TAOK1: variants seen among roughly 807,000 people sequenced by gnomAD.
TAOK1 encodes TAO kinase 1.
In TAOK1, 21 loss-of-function variants were observed where a neutral mutation model predicts 138.3. The observed-to-expected ratio is 0.15, with a 90% confidence interval of 0.11 to 0.22. The LOEUF (loss-of-function observed/expected upper bound fraction) is 0.22, where lower values mean the gene tolerates loss of function less well. Ranked by LOEUF, TAOK1 falls within the 10% of genes least tolerant of loss-of-function variation. TAOK1 has a pLI of 1.00. For missense variants in TAOK1, 651 were observed against 1,227.7 expected, an observed-to-expected ratio of 0.53 and a Z score of 7.02; for synonymous variants, 361 against 398.4, an observed-to-expected ratio of 0.91 and a Z score of 1.12.
At chr17:29,495,495 C>T (rs1684473314) in intron 10 of TAOK1, 65 bp from the exon 11 acceptor site, 1 of 1,354,890 alleles carries the variant, frequency 7.4e-7, no homozygotes, top group South Asian at 1.7e-5. Context: ...TCTCTAGGGT[C>T]TGAGAAGGAG....
chr17:29,465,837 C>CTTTTTTTTT lies in TAOK1; in HGVS notation c.133-1289_133-1281dup, dbSNP rs3058623. On this transcript the variant is annotated intron_variant, in intron 2 of 19. Coordinates refer to ENST00000261716, the MANE Select transcript of TAOK1 (RefSeq NM_020791.4). The stretch of plus-strand genomic sequence containing the variant: ...AAGAGTTAACTGTCAAGTTTCTGTG[C>CTTTTTTTTT]TTTTTTTTTTTTTTTTTTTTTTTTT... Among the ~76,000 whole-genome samples, 346 of 45,422 alleles carry CTTTTTTTTT rather than the reference C, an allele frequency of 7.6e-3. 100 individuals carry two copies. The highest frequency in any genetic ancestry group is 0.038 in the Middle Eastern group (3 of 78). The allele number at this position is 45,422 out of a possible 152,430, so 29.8% of individuals were successfully genotyped here.
At chr17:29,442,133 C>T (rs2029957624) in intron 1 of TAOK1, among the ~76,000 whole-genome samples, 1 of 151,794 alleles carries the variant, frequency 6.6e-6, no homozygotes, top group African/African-American at 2.4e-5. Context: ...GCCTCAACCT[C>T]CCTGGCTCAA....
intron 1 of TAOK1, among the ~76,000 whole-genome samples, chr17:29,391,439 C>G (rs1352421074): frequency 1.3e-5 from 2 of 152,072 alleles, no homozygotes; most frequent in Non-Finnish European, 2.9e-5. Context: ...ATTCCACCCC[C>G]TAGCACAGGA....
intron 16 of TAOK1, among the ~76,000 whole-genome samples, chr17:29,518,040 G>C (rs151299897): frequency 2.9e-3 from 447 of 152,150 alleles, no homozygotes; most frequent in African/African-American, 0.01. Flanking sequence ...ATTTTTAGTA[G>C]ACATGGGCTT....
chr17:29,434,163 T>C (rs1905949762), intron 1 of TAOK1, among the ~76,000 whole-genome samples: 1 of 152,206 alleles, frequency 6.6e-6, no homozygotes, highest in Non-Finnish European at 1.5e-5. Context: ...CTTTACCCTT[T>C]TGCTGGCATG....
chr17:29,540,957 G>A (rs890183322), intron 19 of TAOK1, among the ~76,000 whole-genome samples: 7 of 144,708 alleles, frequency 4.8e-5, no homozygotes, highest in Admixed American at 3.4e-4. Context: ...CACCCACCTC[G>A]GCCTCCCAAA....
rs1019998031 is a variant in TAOK1 at position 29,475,573 on chromosome 17, T to C, written c.205-97T>C. Reference sequence around the variant, plus strand: ...TAAAACCAAGCAAAGTTGCATGTTCTTGTTAACTCTTCTAAATTTAGTAAT... The same window carrying C: ...TAAAACCAAGCAAAGTTGCATGTTCCTGTTAACTCTTCTAAATTTAGTAAT... On this transcript the variant is annotated intron_variant, in intron 3 of 19. Coordinates refer to ENST00000261716, the MANE Select transcript of TAOK1 (RefSeq NM_020791.4). 4 of 814,764 alleles carry C rather than the reference T, an allele frequency of 4.9e-6. No individual in the cohort carries two copies. The African/African-American group carries it at 5.3e-5, about 11-fold the overall frequency. The allele number at this position is 814,764 out of a possible 1,614,324, so 50.5% of individuals were successfully genotyped here. A position where few individuals can be genotyped will look rare whatever the true frequency, so the allele number is the denominator to read the frequency against.
chr17:29,431,496 A>G (rs907358844), intron 1 of TAOK1, among the ~76,000 whole-genome samples: 1 of 147,750 alleles, frequency 6.8e-6, no homozygotes, highest in Non-Finnish European at 1.5e-5. Context: ...AATTGGATAC[A>G]TTAGTGTGAC....
intron 16 of TAOK1, among the ~76,000 whole-genome samples, chr17:29,521,888 G>C (rs939863840): frequency 6.6e-6 from 1 of 152,098 alleles, no homozygotes; most frequent in South Asian, 2.1e-4. Flanking sequence ...AGCTGTGTCC[G>C]TGTTCTTAAT....
At chr17:29,496,776 C>T (rs9910316) in intron 11 of TAOK1, among the ~76,000 whole-genome samples, 1 of 151,864 alleles carries the variant, frequency 6.6e-6, no homozygotes, top group East Asian at 1.9e-4. Flanking sequence ...TAGTAGAGAC[C>T]GGTTTCGCTA....
chr17:29,526,819 TAAAAAAAAAAAAAAA>T (rs71138830), intron 17 of TAOK1, among the ~76,000 whole-genome samples: 23 of 50,952 alleles, frequency 4.5e-4, no homozygotes, highest in Admixed American at 3.1e-3. Context: ...TCTCATCTCT[TAAAAAAAAAAAAAAA>T]AAAAAAAAAA....
intron 3 of TAOK1, among the ~76,000 whole-genome samples, chr17:29,468,945 A>G (rs896562262): frequency 7.9e-5 from 12 of 152,252 alleles, no homozygotes; most frequent in African/African-American, 2.9e-4. Flanking sequence ...CGAGCAATGT[A>G]TAACAATTTG....
chr17:29,475,329 C>T (rs1307769480), intron 3 of TAOK1, among the ~76,000 whole-genome samples: 1 of 152,126 alleles, frequency 6.6e-6, no homozygotes, highest in African/African-American at 2.4e-5. Flanking sequence ...CACTTGAGGT[C>T]AGGAGTTTGA....
At chr17:29,399,349 T>G (rs1284158355) in intron 1 of TAOK1, among the ~76,000 whole-genome samples, 2 of 150,606 alleles carry the variant, frequency 1.3e-5, no homozygotes, top group Non-Finnish European at 3.0e-5. Context: ...GGAGTCTCGC[T>G]CTGTTGCCCA....
intron 1 of TAOK1, among the ~76,000 whole-genome samples, chr17:29,403,280 T>C (rs139327384): frequency 1.3e-5 from 2 of 152,208 alleles, no homozygotes; most frequent in Non-Finnish European, 2.9e-5. Flanking sequence ...ACCTCTAGTT[T>C]GTATTTTGGA....
intron 15 of TAOK1, chr17:29,514,645 T>C (rs1212034664): frequency 6.6e-6 from 1 of 152,084 alleles, no homozygotes; most frequent in African/African-American, 2.4e-5. Context: ...TACAGATGGA[T>C]GTGAGCCACC....
chr17:29,433,390 A>G lies in TAOK1; in HGVS notation c.-94-18065A>G, dbSNP rs561462378. 3.3e-5 allele frequency among the ~76,000 whole-genome samples: 5 copies of G among 150,578 alleles called. No individual in the cohort carries two copies. In the South Asian group the frequency reaches 1.1e-3, roughly 32 times the overall value. The stretch of plus-strand genomic sequence containing the variant: ...TGTTGCAGTGAGCCGAGATCACTGC[A>G]TTCCATCCTGGGTGACAGAGCTAGA... On this transcript the variant is annotated intron_variant, in intron 1 of 19. Transcript: ENST00000261716.
intron 18 of TAOK1, among the ~76,000 whole-genome samples, chr17:29,533,589 G>A (rs981726319): frequency 1.4e-4 from 22 of 151,920 alleles, no homozygotes; most frequent in African/African-American, 5.3e-4. Flanking sequence ...CTGCAATCCT[G>A]GCACCTCGGG....
chr17:29,407,914 G>A (rs771169779), intron 1 of TAOK1, among the ~76,000 whole-genome samples: 1 of 151,980 alleles, frequency 6.6e-6, no homozygotes, highest in Non-Finnish European at 1.5e-5. Context: ...TGTCACCCAG[G>A]CTGCTGGAGT....
Sources: allele counts gnomAD v4.1 joint callset (sites outside exome capture counted in the v4.1 genomes callset), GRCh38; gene constraint gnomAD v4.1.1; transcripts MANE v1.5; gene names NCBI Gene and HGNC (gene_info 2026-07-23, HGNC 2026-07-21).